Variants in PAPPA observed in about 807,000 individuals in gnomAD.
The protein encoded by PAPPA is pappalysin 1.
PAPPA carries 60 observed loss-of-function variants against 164.0 expected under a neutral mutation model. The observed-to-expected ratio is 0.37, with a 90% CI of 0.30 to 0.45. The LOEUF is 0.45. Among genes scored for constraint, PAPPA ranks in the 20% least tolerant of loss-of-function variants. The pLI, the probability that PAPPA is intolerant of heterozygous loss-of-function variation, is 1.00. For missense variants in PAPPA, 1,782 were observed against 2,087.3 expected, an observed-to-expected ratio of 0.85 and a Z score of 2.85; for synonymous variants, 875 against 814.1, an observed-to-expected ratio of 1.07 and a Z score of -1.27.
chr9:116,370,536 C>T (rs1246205822), intron 19 of PAPPA, among the ~76,000 whole-genome samples: 2 of 145,740 alleles, frequency 1.4e-5, no homozygotes, highest in Non-Finnish European at 3.1e-5. Flanking sequence ...TTAGACTCTG[C>T]TTTGTAGCAT....
At chr9:116,157,320 G>T (rs1257140931) in intron 1 of PAPPA, among the ~76,000 whole-genome samples, 1 of 152,170 alleles carries the variant, frequency 6.6e-6, no homozygotes, top group African/African-American at 2.4e-5. Flanking sequence ...GGGAAGGAGC[G>T]AAGGAGCAGT....
At chr9:116,188,259 C>G (rs748383741) in intron 2 of PAPPA, 43 bp downstream of exon 2, 4 of 1,438,504 alleles carry the variant, frequency 2.8e-6, no homozygotes, top group Middle Eastern at 2.0e-4. Context: ...GAAAGTTGAA[C>G]TTGATGTCCT....
intron 21 of PAPPA, among the ~76,000 whole-genome samples, chr9:116,390,954 T>C (rs967963304): frequency 2.0e-5 from 3 of 152,214 alleles, no homozygotes; most frequent in Non-Finnish European, 4.4e-5. Context: ...CATTTCATAC[T>C]TTACCCAACA....
intron 1 of PAPPA, among the ~76,000 whole-genome samples, chr9:116,163,379 C>G (rs1009009675): frequency 6.6e-6 from 1 of 152,084 alleles, no homozygotes; most frequent in African/African-American, 2.4e-5. Flanking sequence ...GACCTATGAG[C>G]AGGCCTGAGG....
intron 9 of PAPPA, among the ~76,000 whole-genome samples, chr9:116,275,857 G>A (rs533019519): frequency 4.6e-5 from 7 of 152,148 alleles, no homozygotes; most frequent in African/African-American, 7.2e-5. Flanking sequence ...CCACACATCC[G>A]GAAGTATTCC....
At chr9:116,340,057 T>C (rs1408572174) in intron 13 of PAPPA, among the ~76,000 whole-genome samples, 1 of 152,212 alleles carries the variant, frequency 6.6e-6, no homozygotes, top group Non-Finnish European at 1.5e-5. Flanking sequence ...ATTTGATCTA[T>C]AGAATTACCT....
intron 13 of PAPPA, among the ~76,000 whole-genome samples, chr9:116,343,302 C>T (rs1412599232): frequency 1.3e-5 from 2 of 152,198 alleles, no homozygotes; most frequent in African/African-American, 4.8e-5. Flanking sequence ...TGTTTGCATC[C>T]TTAAAGATTA....
chr9:116,247,037 A>G (rs1844804855), intron 7 of PAPPA, among the ~76,000 whole-genome samples: 1 of 152,110 alleles, frequency 6.6e-6, no homozygotes, highest in African/African-American at 2.4e-5. Flanking sequence ...GAATAAAAAA[A>G]AGAGAGAGAG....
intron 17 of PAPPA, 38 bp from the exon 18 acceptor site, chr9:116,362,554 G>A: frequency 6.3e-7 from 1 of 1,593,886 alleles, no homozygotes. Context: ...TGGGGCTGGT[G>A]TCTCTCTTGG....
At chr9:116,290,504 A>C (rs1471210600) in intron 9 of PAPPA, among the ~76,000 whole-genome samples, 1 of 152,118 alleles carries the variant, frequency 6.6e-6, no homozygotes, top group African/African-American at 2.4e-5. Flanking sequence ...CTCTTATTCT[A>C]TACAAGGGGA....
chr9:116,205,940 C>G (rs1361752653), intron 2 of PAPPA, among the ~76,000 whole-genome samples: 2 of 152,180 alleles, frequency 1.3e-5, no homozygotes, highest in African/African-American at 4.8e-5. Context: ...CTCACCCACT[C>G]TGTTGCATTG....
intron 4 of PAPPA, among the ~76,000 whole-genome samples, chr9:116,219,503 G>C (rs148771525): frequency 6.6e-6 from 1 of 152,312 alleles, no homozygotes; most frequent in Middle Eastern, 3.4e-3. Context: ...ATGAATGAGT[G>C]AATGGATAAA....
rs1847002436 is a variant in PAPPA at position 116,398,668 on chromosome 9, G to C, written c.*2052G>C. On this transcript the variant is annotated 3_prime_UTR_variant, in exon 22 of 22. Coordinates refer to ENST00000328252, the MANE Select transcript of PAPPA (RefSeq NM_002581.5). ...CCCACAAATACGGATGCAGTGCTGA[G>C]ATAGTTTATGAGACTTGTACCATTT... The C allele has an allele frequency of 3.7e-6, 2 of 540,678 alleles. No homozygotes were observed. The highest frequency in any genetic ancestry group is 2.3e-5 in the Admixed American group (1 of 42,652). The allele number at this position is 540,678 out of a possible 1,614,324, so 33.5% of individuals were successfully genotyped here.
chr9:116,211,730 C>T lies in PAPPA; in HGVS notation c.1716C>T (p.His572=), dbSNP rs145517647. The T allele has an allele frequency of 1.4e-4, 221 of 1,613,934 alleles. 2 individuals are homozygous for T. The highest frequency in any genetic ancestry group is 1.6e-4 in the East Asian group (7 of 44,880). Reference sequence around the variant, plus strand: ...TTGGTCACAGCCTGGGCCTCTATCACGTCTTCCGAGGCATCTCAGAAATCC... The same window carrying T: ...TTGGTCACAGCCTGGGCCTCTATCATGTCTTCCGAGGCATCTCAGAAATCC... The part of the protein sequence containing the change: ...HEIGHSLGLY[H]VFRGISEIQS... Residue 572 remains histidine (H), a synonymous_variant, in exon 4 of 22, where the codon CAC becomes CAT. Transcript: ENST00000328252.
chr9:116,248,355 G>A (rs1199371311), intron 7 of PAPPA, among the ~76,000 whole-genome samples: 2 of 152,146 alleles, frequency 1.3e-5, no homozygotes, highest in African/African-American at 4.8e-5. Context: ...CCAACTGTGG[G>A]CCCAAGACCC....
chr9:116,345,342 C>A (rs961162746), intron 14 of PAPPA, among the ~76,000 whole-genome samples: 3 of 149,102 alleles, frequency 2.0e-5, no homozygotes, highest in Non-Finnish European at 4.4e-5. Context: ...AAACAGCTAA[C>A]TAGACAGATC....
At chr9:116,248,942 A>C (rs149014674) in intron 7 of PAPPA, among the ~76,000 whole-genome samples, 7 of 152,340 alleles carry the variant, frequency 4.6e-5, no homozygotes, top group Non-Finnish European at 1.0e-4. Context: ...AGGACAAATG[A>C]GAATCTTACA....
At chr9:116,329,271 C>A (rs1233481041) in intron 10 of PAPPA, among the ~76,000 whole-genome samples, 3 of 152,130 alleles carry the variant, frequency 2.0e-5, no homozygotes, top group Non-Finnish European at 4.4e-5. Context: ...GCCCACTGTA[C>A]TGAACACATT....
intron 21 of PAPPA, among the ~76,000 whole-genome samples, chr9:116,389,784 T>C (rs901067232): frequency 1.3e-5 from 2 of 151,200 alleles, no homozygotes; most frequent in African/African-American, 4.9e-5. Flanking sequence ...CCCCTGGCAC[T>C]CCCACACTCA....
Sources: allele counts gnomAD v4.1 joint callset (sites outside exome capture counted in the v4.1 genomes callset), GRCh38; gene constraint gnomAD v4.1.1; transcripts MANE v1.5; gene names NCBI Gene and HGNC (gene_info 2026-07-23, HGNC 2026-07-21).